CTPS2: variants seen among roughly 807,000 people sequenced by gnomAD.
CTPS2 encodes CTP synthase II.
In CTPS2, 19 loss-of-function variants were observed where a neutral mutation model predicts 46.8. The observed-to-expected ratio is 0.41, with a 90% CI of 0.28 to 0.60. CTPS2 has a LOEUF of 0.60. CTPS2 is among the 20% of genes least tolerant of loss of function. The pLI is 0.35. For missense variants in CTPS2, 286 were observed against 447.6 expected, an observed-to-expected ratio of 0.64 and a Z score of 3.26; for synonymous variants, 151 against 165.2, an observed-to-expected ratio of 0.91 and a Z score of 0.66.
intron 10 of CTPS2, among the ~76,000 whole-genome samples, chrX:16,674,674 T>G (rs1297405474): frequency 2.0e-5 from 2 of 102,030 alleles, no homozygotes; most frequent in Non-Finnish European, 4.0e-5. Context: ...CCGTCTCTAC[T>G]AAAAATACAA....
intron 14 of CTPS2, among the ~76,000 whole-genome samples, chrX:16,638,180 A>G (rs897467076): frequency 5.6e-5 from 6 of 107,767 alleles, no homozygotes; most frequent in African/African-American, 2.0e-4. Flanking sequence ...ACGTCAACCC[A>G]GGAGGCGGAG....
At chrX:16,621,180 G>A (rs754358101) in intron 14 of CTPS2, among the ~76,000 whole-genome samples, 2 of 108,515 alleles carry the variant, frequency 1.8e-5, no homozygotes, top group South Asian at 8.3e-4. Context: ...CCAGTGTGGC[G>A]ATGGGCACGG....
chrX:16,634,823 C>T (rs1313530832), intron 14 of CTPS2, among the ~76,000 whole-genome samples: 2 of 110,429 alleles, frequency 1.8e-5, no homozygotes, highest in Non-Finnish European at 3.8e-5. Context: ...GTAGCGCATG[C>T]CTGTACTCTC....
intron 7 of CTPS2, among the ~76,000 whole-genome samples, chrX:16,690,311 C>T (rs1468696463): frequency 9.1e-6 from 1 of 109,989 alleles, no homozygotes; most frequent in Non-Finnish European, 1.9e-5. Flanking sequence ...GCAGAGGTTG[C>T]ACTGAGCCAA....
chrX:16,673,185 C>T (rs887413709), intron 10 of CTPS2, among the ~76,000 whole-genome samples: 6 of 111,022 alleles, frequency 5.4e-5, no homozygotes, highest in African/African-American at 1.3e-4. Flanking sequence ...CGCGCCCGGC[C>T]GAGGCTACTC....
At chrX:16,668,089 C>G (rs1490082688) in intron 11 of CTPS2, among the ~76,000 whole-genome samples, 1 of 109,354 alleles carries the variant, frequency 9.1e-6, no homozygotes, top group Admixed American at 1.0e-4. Context: ...ATGGTGAAAC[C>G]AGCCTCTACT....
At chrX:16,708,097 G>A (rs770157488) in intron 1 of CTPS2, among the ~76,000 whole-genome samples, 195 of 112,246 alleles carry the variant, frequency 1.7e-3, no homozygotes, top group Non-Finnish European at 2.2e-3. Context: ...TGGAAATTCA[G>A]CACAAATGCA....
At chrX:16,646,372 G>A (rs1444078044) in intron 13 of CTPS2, among the ~76,000 whole-genome samples, 1 of 112,358 alleles carries the variant, frequency 8.9e-6, no homozygotes, top group Non-Finnish European at 1.9e-5. Context: ...GTTGCAGCAA[G>A]GATTTAAGGA....
intron 14 of CTPS2, among the ~76,000 whole-genome samples, chrX:16,625,876 G>T (rs1931109162): frequency 9.0e-6 from 1 of 111,009 alleles, no homozygotes; most frequent in African/African-American, 3.3e-5. Flanking sequence ...TTCTGCTCAT[G>T]GAGCCTGGGG....
At chrX:16,692,994 T>G in intron 6 of CTPS2, 147 bp downstream of exon 6, 1 of 433,806 alleles carries the variant, frequency 2.3e-6, no homozygotes. Context: ...GAGGCGGAGG[T>G]TGCAATGAGC....
At chrX:16,639,822 AAAGAAAG>A (rs1931981692) in intron 13 of CTPS2, among the ~76,000 whole-genome samples, 1 of 108,566 alleles carries the variant, frequency 9.2e-6, no homozygotes, top group Non-Finnish European at 1.9e-5. Context: ...AGAAAGAAAG[AAAGAAAG>A]AAGAAAAGAA....
chrX:16,634,901 A>T (rs1409414503), intron 14 of CTPS2, among the ~76,000 whole-genome samples: 2 of 106,891 alleles, frequency 1.9e-5, no homozygotes, highest in African/African-American at 6.8e-5. Context: ...GTGAGCCGAG[A>T]TGGTGTCACT....
intron 17 of CTPS2, among the ~76,000 whole-genome samples, chrX:16,601,755 T>C (rs1175610362): frequency 8.9e-6 from 1 of 111,920 alleles, no homozygotes; most frequent in African/African-American, 3.3e-5. Context: ...AATTCCCATT[T>C]AAGTTCCTAC....
At chrX:16,668,842 A>G (rs778586652) in intron 11 of CTPS2, among the ~76,000 whole-genome samples, 6 of 110,595 alleles carry the variant, frequency 5.4e-5, no homozygotes, top group Non-Finnish European at 9.5e-5. Context: ...GGCAGAGTCC[A>G]TGAGACAAAT....
chrX:16,658,992 C>T (rs995243069), intron 13 of CTPS2, among the ~76,000 whole-genome samples: 1 of 112,090 alleles, frequency 8.9e-6, no homozygotes, highest in Non-Finnish European at 1.9e-5. Flanking sequence ...CAGTCATGAT[C>T]ATTCTTTAAT....
At chrX:16,647,974 T>C (rs1357033704) in intron 13 of CTPS2, among the ~76,000 whole-genome samples, 1 of 110,699 alleles carries the variant, frequency 9.0e-6, no homozygotes, top group African/African-American at 3.3e-5. Context: ...TGGTGGCACA[T>C]GCCTGTAGTC....
intron 4 of CTPS2, among the ~76,000 whole-genome samples, chrX:16,695,781 G>C (rs908567038): frequency 2.7e-5 from 3 of 110,806 alleles, no homozygotes; most frequent in Non-Finnish European, 5.7e-5. Flanking sequence ...TCGATCTCCT[G>C]ACCTCGTGAT....
chrX:16,593,979 T>C (rs1421376042), intron 17 of CTPS2, among the ~76,000 whole-genome samples: 5 of 111,471 alleles, frequency 4.5e-5, no homozygotes, highest in African/African-American at 1.6e-4. Flanking sequence ...ATGCAACATT[T>C]TGTGTCATAG....
chrX:16,667,557 T>C lies in CTPS2; in HGVS notation c.1253A>G (p.Asp418Gly), dbSNP rs939478017. The change falls in exon 13 of 19, where the codon GAT becomes GGT. Residue 418 changes from aspartate (D) to glycine (G), a missense_variant and splice_region_variant. Transcript: ENST00000359276. ...TGGCCTAAACTCTGTGGAATCAGCA[T>C]CTGAAGATTAAGAAAAGAGTTCAGT... ...EFARNCLNLKDADSTEFRPNA... is the reference protein window; with the variant it reads ...EFARNCLNLKGADSTEFRPNA... The C allele has an allele frequency of 6.6e-6, 8 of 1,208,637 alleles. No individual in the cohort carries two copies. In the African/African-American group the frequency reaches 1.4e-4, roughly 21 times the overall value.
Sources: gnomAD v4.1 joint callset for allele counts (sites outside exome capture counted in the v4.1 genomes callset) on GRCh38, gnomAD v4.1.1 for gene constraint, MANE v1.5 for transcripts, NCBI Gene and HGNC (gene_info 2026-07-23, HGNC 2026-07-21) for gene names.